PDE4C: variants seen among roughly 807,000 people sequenced by gnomAD.
The protein encoded by PDE4C is phosphodiesterase 4C.
PDE4C carries 50 observed loss-of-function variants against 63.9 expected under a neutral mutation model. That is an observed-to-expected ratio of 0.78 (90% CI 0.62 to 0.99). The LOEUF (loss-of-function observed/expected upper bound fraction) is 0.99. Among genes scored for constraint, PDE4C ranks in the 50% least tolerant of loss-of-function variants. The pLI, the probability that PDE4C is intolerant of heterozygous loss-of-function variation, is 0.00. For missense variants in PDE4C, 777 were observed against 899.1 expected (o/e 0.86, Z 1.74); for synonymous variants, 377 against 385.1 (o/e 0.98, Z 0.25).
chr19:18,210,826 A>G (rs1967888216), exon 15 of PDE4C: 1 of 1,498,662 alleles, frequency 6.7e-7, no homozygotes, highest in East Asian at 2.3e-5. Context: ...ATGGGTGGGA[A>G]AGTGAAGCAG....
chr19:18,254,714 G>A, the PDE4C span, among the ~76,000 whole-genome samples: 1 of 152,202 alleles, frequency 6.6e-6, no homozygotes, highest in Non-Finnish European at 1.5e-5. Context: ...CAGGTAAAGG[G>A]CAGAAAAAGG....
At position 18,223,764 on chromosome 19, in the gene PDE4C, T is replaced by C. The variant is rs578195069; in HGVS notation, c.147-1441A>G. ...TATTGCAAAGGGACAAACTGAGATC[T>C]AGCTCACATGGTGGACACGTGGACT... is the stretch of plus-strand genomic sequence containing the variant. On this transcript the variant is annotated intron_variant, in intron 1 of 14. Coordinates refer to ENST00000262805, the Ensembl canonical transcript of PDE4C. 5.9e-5 allele frequency among the ~76,000 whole-genome samples: 9 copies of C among 152,336 alleles called. No individual in the cohort carries two copies. In the East Asian group the frequency reaches 1.7e-3, roughly 29 times the overall value.
chr19:18,236,458 A>T (rs1968952478), upstream of PDE4C, among the ~76,000 whole-genome samples: 1 of 151,654 alleles, frequency 6.6e-6, no homozygotes, highest in Non-Finnish European at 1.5e-5. Flanking sequence ...CCCGATCTCA[A>T]GTGATGGACC....
chr19:18,211,872 A>T (rs1350684351), exon 14 of PDE4C: 1 of 1,614,218 alleles, frequency 6.2e-7, no homozygotes, highest in Non-Finnish European at 8.5e-7. Flanking sequence ...CGGTCCGTCC[A>T]CTGGCGGTAC....
chr19:18,249,770 G>A (rs1048853144), upstream of PDE4C, among the ~76,000 whole-genome samples: 6 of 151,362 alleles, frequency 4.0e-5, no homozygotes, highest in South Asian at 6.3e-4. Context: ...ACAGAGTTTC[G>A]CCATGTTAGC....
exon 1 of PDE4C, chr19:18,233,131 C>T: frequency 1.3e-6 from 2 of 1,558,664 alleles, no homozygotes; most frequent in Non-Finnish European, 8.7e-7. Context: ...CTGTGGCGGC[C>T]GCGAGAGCGA....
At chr19:18,228,422 G>C, upstream of PDE4C, among the ~76,000 whole-genome samples, 1 of 152,024 alleles carries the variant, frequency 6.6e-6, no homozygotes, top group East Asian at 1.9e-4. Flanking sequence ...TCGAGGATGG[G>C]GCTACTGAGG....
chr19:18,237,872 C>CA (rs57462449), upstream of PDE4C, among the ~76,000 whole-genome samples: 7,495 of 94,752 alleles, frequency 0.079, 461 homozygotes, highest in East Asian at 0.35. Context: ...GACTCCATCT[C>CA]AAAAAAAAAA....
At chr19:18,236,178 C>T (rs927863198), upstream of PDE4C, among the ~76,000 whole-genome samples, 4 of 152,016 alleles carry the variant, frequency 2.6e-5, no homozygotes, top group South Asian at 2.1e-4. Flanking sequence ...CTCCTGACCT[C>T]GTGATCCACC....
chr19:18,211,503 C>T (rs373305425), intron 14 of PDE4C, among the ~76,000 whole-genome samples: 4 of 152,186 alleles, frequency 2.6e-5, no homozygotes, highest in South Asian at 2.1e-4. Flanking sequence ...GCTGAATGTA[C>T]GTGTCCCCCA....
chr19:18,238,245 T>G (rs558765436), upstream of PDE4C, among the ~76,000 whole-genome samples: 53 of 151,708 alleles, frequency 3.5e-4, 2 homozygotes, highest in African/African-American at 1.2e-3. Flanking sequence ...TCTCTTTTTT[T>G]TTTTTTTCGA....
chr19:18,226,463 T>A, exon 1 of PDE4C: 1 of 1,329,492 alleles, frequency 7.5e-7, no homozygotes, highest in Non-Finnish European at 9.6e-7. Flanking sequence ...GCGCGGGACC[T>A]TTTCTGGACA....
upstream of PDE4C, among the ~76,000 whole-genome samples, chr19:18,253,190 T>C (rs1280273170): frequency 2.0e-5 from 3 of 152,234 alleles, no homozygotes; most frequent in African/African-American, 7.2e-5. Context: ...TTCTGTAAAA[T>C]GGAGTTCATG....
intron 13 of PDE4C, 83 bp from the exon 14 acceptor site, chr19:18,212,024 A>T: frequency 7.3e-7 from 1 of 1,373,902 alleles, no homozygotes; most frequent in East Asian, 2.3e-5. Context: ...GCTTGGTGCC[A>T]TGGACACATT....
In PDE4C at chr19:18,220,159, A is replaced by G. The variant is rs527711839; in HGVS notation, c.706+67T>C. On this transcript the variant is annotated intron_variant, in intron 7 of 14. Transcript: ENST00000262805. This position sits in a 1 kb window ranked among gnomAD's most constrained non-coding sequence, Gnocchi z 5.1. ...TCTCCCCCAGACTGAGGTCTATCATAGGAATCTTTCTTTTGTTTCTTAGTA... is the reference window on the plus strand; with the variant it reads ...TCTCCCCCAGACTGAGGTCTATCATGGGAATCTTTCTTTTGTTTCTTAGTA... 1 of 1,276,032 alleles carries G rather than the reference A, an allele frequency of 7.8e-7. No individual in the cohort carries two copies. Among genetic ancestry groups the G allele is most frequent in the Admixed American group, 1.7e-5 (1 of 59,184 alleles). 79.0% of individuals were successfully genotyped at this position (1,276,032 alleles called of 1,614,324 possible).
intron 1 of PDE4C, among the ~76,000 whole-genome samples, chr19:18,239,824 G>A (rs963995829): frequency 4.6e-5 from 7 of 151,962 alleles, no homozygotes; most frequent in African/African-American, 1.7e-4. Context: ...TCAGGAGTTT[G>A]AGACCAGCCT....
chr19:18,254,802 C>T, the PDE4C span, among the ~76,000 whole-genome samples: 3 of 152,354 alleles, frequency 2.0e-5, no homozygotes, highest in Admixed American at 1.3e-4. Flanking sequence ...TTAAGTCAGA[C>T]ACCCAGAAGA....
At chr19:18,238,224 ATC>A (rs1007608158), upstream of PDE4C, among the ~76,000 whole-genome samples, 2 of 148,454 alleles carry the variant, frequency 1.3e-5, no homozygotes, top group African/African-American at 5.0e-5. Context: ...GACCCCCTGT[ATC>A]TCTCTCTCTC....
At chr19:18,229,584 TG>T (rs1568263393), upstream of PDE4C, among the ~76,000 whole-genome samples, 1 of 88,044 alleles carries the variant, frequency 1.1e-5, no homozygotes, top group African/African-American at 3.1e-5. Context: ...CTCATTTGAA[TG>T]TTCCCTTCTC....
Sources: allele counts gnomAD v4.1 joint callset (sites outside exome capture counted in the v4.1 genomes callset), GRCh38; gene constraint gnomAD v4.1.1; non-coding constraint Gnocchi (gnomAD v3.1); transcripts MANE v1.5; gene names NCBI Gene and HGNC (gene_info 2026-07-23, HGNC 2026-07-21).